COL8A2: variants seen among roughly 807,000 people sequenced by gnomAD.
COL8A2 encodes the protein collagen type VIII alpha 2 chain.
Under a neutral mutation model 24.0 loss-of-function variants are expected in COL8A2, and 16 were observed. That is an observed-to-expected ratio of 0.67 (90% confidence interval 0.45 to 1.01). The LOEUF (loss-of-function observed/expected upper bound fraction) is 1.01, where lower values mean the gene tolerates loss of function less well. Among genes scored for constraint, COL8A2 ranks in the 50% least tolerant of loss-of-function variants. The pLI, the probability that COL8A2 is intolerant of heterozygous loss-of-function variation, is 0.00. For synonymous variants in COL8A2, 466 were observed against 424.5 expected, an observed-to-expected ratio of 1.10 and a Z score of -1.20; for missense variants, 818 against 942.4, an observed-to-expected ratio of 0.87 and a Z score of 1.73.
At chr1:36,124,582 T>G (rs1643937261) in intron 1 of COL8A2, among the ~76,000 whole-genome samples, 1 of 151,914 alleles carries the variant, frequency 6.6e-6, no homozygotes. Flanking sequence ...CAGAAAAACC[T>G]TATAACTGGA....
At chr1:36,112,894 GAGCCACACGTT>G (rs1643862225) in intron 2 of COL8A2, among the ~76,000 whole-genome samples, 1 of 152,198 alleles carries the variant, frequency 6.6e-6, no homozygotes, top group Admixed American at 6.5e-5. Context: ...GCCCGTCTGT[GAGCCACACGTT>G]GGCACAGTTC....
rs963969493 is a variant in COL8A2 at position 36,123,985 on chromosome 1, A to G, written c.-62+1072T>C. 6.6e-6 allele frequency among the ~76,000 whole-genome samples: 1 copy of G among 152,078 alleles called. No individual in the cohort carries two copies. Among genetic ancestry groups the G allele is most frequent in the African/African-American group, 2.4e-5 (1 of 41,390 alleles). On this transcript the variant is annotated intron_variant, in intron 1 of 3. Transcript: ENST00000397799. The surrounding 1 kb of genome is among the most constrained non-coding windows in gnomAD (Gnocchi z 4.1). Reference sequence around the variant, plus strand: ...ATCAGTCGATCTTAGCTCAGTCCCCAGAGAGGAACCCCAGGCTGCCTGACC... The same window carrying G: ...ATCAGTCGATCTTAGCTCAGTCCCCGGAGAGGAACCCCAGGCTGCCTGACC...
intron 2 of COL8A2, among the ~76,000 whole-genome samples, chr1:36,110,727 A>G (rs156486): frequency 0.095 from 14,472 of 151,658 alleles, 800 homozygotes; most frequent in East Asian, 0.22. Flanking sequence ...CCTGACCTCA[A>G]GTGATCCACC....
At chr1:36,099,517 G>C (rs2124075261) in intron 3 of COL8A2, 30 bp from the exon 4 acceptor site, 1 of 1,479,940 alleles carries the variant, frequency 6.8e-7, no homozygotes, top group Non-Finnish European at 9.1e-7. Context: ...GGGCAGTCAG[G>C]GGCCTGAACT....
intron 2 of COL8A2, among the ~76,000 whole-genome samples, chr1:36,101,185 C>T (rs188861441): frequency 6.2e-4 from 95 of 152,176 alleles, no homozygotes; most frequent in African/African-American, 2.1e-3. Context: ...TGAGCCACCG[C>T]GCCCGGCCTG....
chr1:36,124,448 A>T (rs187552362), intron 1 of COL8A2, among the ~76,000 whole-genome samples: 1 of 151,118 alleles, frequency 6.6e-6, no homozygotes, highest in African/African-American at 2.5e-5. Flanking sequence ...CACCCCCTGC[A>T]AGTCTCAGTC....
intron 1 of COL8A2, among the ~76,000 whole-genome samples, chr1:36,119,638 G>A (rs1231491020): frequency 7.9e-5 from 12 of 152,192 alleles, no homozygotes; most frequent in Non-Finnish European, 2.9e-5. Context: ...AGCCGTGGTC[G>A]CCTGTCAGGG....
At chr1:36,102,071 C>G (rs1643685657) in intron 2 of COL8A2, among the ~76,000 whole-genome samples, 1 of 151,996 alleles carries the variant, frequency 6.6e-6, no homozygotes, top group South Asian at 2.1e-4. Flanking sequence ...CCCAGCTACT[C>G]AGGAGGCTGA....
Position 36,098,015 on chromosome 1 carries a change from G to A in COL8A2, c.1666C>T (p.Leu556=), listed in dbSNP as rs756508554. Residue 556 remains leucine (L), a synonymous_variant, in exon 4 of 4, where the codon CTG becomes TTG. Transcript: ENST00000397799. ...AACTGTGGCTTGCCCCCCTTGCCCA[G>A]CACGGCACCCTCCACACCGCCGTTG... ...LPNGGVEGAV[L]GKGGKPQFGL... is the part of the protein sequence containing the mutation. 12 of 1,596,202 alleles carry A rather than the reference G, an allele frequency of 7.5e-6. No homozygotes were observed. Among genetic ancestry groups the A allele is most frequent in the Non-Finnish European group, 8.5e-6 (10 of 1,175,646 alleles).
At position 36,098,909 on chromosome 1, in the gene COL8A2, C is replaced by T; in HGVS notation, c.772G>A (p.Gly258Arg). The change falls in exon 4 of 4, where the codon GGA becomes AGA. Residue 258 changes from glycine to arginine, a missense_variant. Gly to Arg is a moderately radical substitution (Grantham distance 125, BLOSUM62 -2). Coordinates refer to ENST00000397799, the MANE Select transcript of COL8A2 (RefSeq NM_005202.4). ...GGCTCCCCCCTGGGGCCTGGAACTC[C>T]AGGAGGCCCAGACTCACCCTTGTCT... is the stretch of plus-strand genomic sequence containing the variant. ...PGDKGESGPP[G>R]VPGPRGEPGA... 1 of 1,612,188 alleles carries T rather than the reference C, an allele frequency of 6.2e-7. No individual in the cohort carries two copies.
At chr1:36,111,489 C>G (rs748436225) in intron 2 of COL8A2, among the ~76,000 whole-genome samples, 119 of 152,252 alleles carry the variant, frequency 7.8e-4, no homozygotes, top group Middle Eastern at 3.4e-3. Flanking sequence ...CCAGCTCCCA[C>G]AGTGCCAACT....
chr1:36,115,614 C>T lies in COL8A2; in HGVS notation c.-17+94G>A, dbSNP rs866390478. 15 of 718,560 alleles carry T rather than the reference C, an allele frequency of 2.1e-5. No homozygotes were observed. The highest frequency in any genetic ancestry group is 1.2e-4 in the African/African-American group (6 of 51,872). 44.5% of individuals were successfully genotyped at this position (718,560 alleles called of 1,614,324 possible). A position where few individuals can be genotyped will look rare whatever the true frequency, so the allele number is the denominator to read the frequency against. On this transcript the variant is annotated intron_variant, in intron 2 of 3. Coordinates refer to ENST00000397799, the MANE Select transcript of COL8A2 (RefSeq NM_005202.4). The surrounding 1 kb of genome is among the most constrained non-coding windows in gnomAD (Gnocchi z 5.7). ...ACTCTCTGGGCCTGGGAGGGGCTTC[C>T]GGTGCAGCAGGAGGGAGTGAGGTTA...
chr1:36,100,025 C>T, intron 3 of COL8A2, 25 bp downstream of exon 3: 1 of 1,603,706 alleles, frequency 6.2e-7, no homozygotes, highest in South Asian at 1.1e-5. Flanking sequence ...CGATTTGAGG[C>T]ACTGTGGGGT....
chr1:36,120,761 AAAAT>A (rs1643906984), intron 1 of COL8A2, among the ~76,000 whole-genome samples: 2 of 149,752 alleles, frequency 1.3e-5, no homozygotes, highest in African/African-American at 2.5e-5. Context: ...AAAAAAAAAA[AAAAT>A]AGAGAGAGAG....
chr1:36,095,751 A>G lies in COL8A2; in HGVS notation c.*1818T>C, dbSNP rs1421750166. 6.6e-6 allele frequency: 1 copy of G among 152,164 alleles called. No homozygotes were observed. Among genetic ancestry groups the G allele is most frequent in the Non-Finnish European group, 1.5e-5 (1 of 68,016 alleles). The allele number at this position is 152,164 out of a possible 1,614,324, so 9.4% of individuals were successfully genotyped here. A position where few individuals can be genotyped will look rare whatever the true frequency, so the allele number is the denominator to read the frequency against. On this transcript the variant is annotated 3_prime_UTR_variant, in exon 4 of 4. Transcript: ENST00000397799. ...ACCCATCCCTAACACATCAGATGAT[A>G]GTGGCTTTGACCTAGGGAAGAAGAG...
chr1:36,104,140 G>A (rs1309362948), intron 2 of COL8A2, among the ~76,000 whole-genome samples: 1 of 151,838 alleles, frequency 6.6e-6, no homozygotes, highest in East Asian at 2.0e-4. Flanking sequence ...CTCACAGTGA[G>A]CCGAGATCAT....
chr1:36,111,553 ATTTT>A (rs373086019), intron 2 of COL8A2, among the ~76,000 whole-genome samples: 1 of 146,910 alleles, frequency 6.8e-6, no homozygotes, highest in Non-Finnish European at 1.5e-5. Flanking sequence ...CCCCTGAGCC[ATTTT>A]TTTTTTTTTT....
At chr1:36,106,057 G>C (rs1252840030) in intron 2 of COL8A2, among the ~76,000 whole-genome samples, 3 of 151,520 alleles carry the variant, frequency 2.0e-5, no homozygotes, top group Admixed American at 2.0e-4. Flanking sequence ...GATCACCTGA[G>C]GTCAGGAGTT....
intron 2 of COL8A2, among the ~76,000 whole-genome samples, chr1:36,104,672 G>A (rs1295917201): frequency 1.3e-5 from 2 of 151,970 alleles, no homozygotes; most frequent in African/African-American, 2.4e-5. Context: ...GCACTTGCCT[G>A]TAGTCCCGGC....
Sources: allele counts gnomAD v4.1 joint callset (sites outside exome capture counted in the v4.1 genomes callset), GRCh38; gene constraint gnomAD v4.1.1; non-coding constraint Gnocchi (gnomAD v3.1); transcripts MANE v1.5; gene names NCBI Gene and HGNC (gene_info 2026-07-23, HGNC 2026-07-21).